CLYBL: variants seen among roughly 807,000 people sequenced by gnomAD.
CLYBL encodes the protein citramalyl-CoA lyase, also known as citramalyl-CoA lyase, mitochondrial.
A neutral mutation model predicts 38.9 loss-of-function variants in CLYBL; 31 were observed. The ratio of observed to expected loss-of-function variants is 0.80; its 90% confidence interval spans 0.60 to 1.08. The LOEUF (loss-of-function observed/expected upper bound fraction) is 1.08, where lower values mean the gene tolerates loss of function less well. Ranked by LOEUF, CLYBL falls within the 50% of genes least tolerant of loss-of-function variation. CLYBL has a pLI of 0.00. For synonymous variants in CLYBL, 171 were observed against 158.6 expected (o/e 1.08, Z -0.59); for missense variants, 434 against 411.6 (o/e 1.05, Z -0.47).
At chr13:99,672,372 G>A (rs774627204) in intron 1 of CLYBL, among the ~76,000 whole-genome samples, 4 of 151,902 alleles carry the variant, frequency 2.6e-5, no homozygotes, top group Non-Finnish European at 4.4e-5. Flanking sequence ...GTGCCTAGCT[G>A]CCTATCAGTT....
chr13:99,834,469 C>T (rs562287923), intron 2 of CLYBL, among the ~76,000 whole-genome samples: 2 of 152,326 alleles, frequency 1.3e-5, no homozygotes, highest in South Asian at 4.1e-4. Context: ...AGGGAACACT[C>T]ATTCCCCCTT....
intron 2 of CLYBL, among the ~76,000 whole-genome samples, chr13:99,776,174 AAC>A (rs1305273324): frequency 4.2e-4 from 39 of 92,142 alleles, no homozygotes; most frequent in South Asian, 8.1e-4. Flanking sequence ...AAAAAAAAAA[AAC>A]CAAAAAACAA....
intron 1 of CLYBL, among the ~76,000 whole-genome samples, chr13:99,673,488 A>C (rs1454091145): frequency 6.6e-6 from 1 of 152,114 alleles, no homozygotes; most frequent in East Asian, 1.9e-4. Context: ...AATAGGGGGT[A>C]AGGATAAGCC....
At chr13:99,652,593 C>T (rs76484826) in intron 1 of CLYBL, among the ~76,000 whole-genome samples, 2,044 of 152,284 alleles carry the variant, frequency 0.013, 47 homozygotes, top group African/African-American at 0.046. Flanking sequence ...ACTATAGCCC[C>T]TGCTAGCCAG....
chr13:99,800,671 C>T (rs1353988070), intron 2 of CLYBL, among the ~76,000 whole-genome samples: 2 of 151,932 alleles, frequency 1.3e-5, no homozygotes, highest in African/African-American at 4.8e-5. Flanking sequence ...GTCAGGAGTT[C>T]GAGGCAAGCC....
At chr13:99,904,909 A>G (rs377329480) in intron 8 of CLYBL, among the ~76,000 whole-genome samples, 22 of 152,316 alleles carry the variant, frequency 1.4e-4, no homozygotes, top group East Asian at 1.4e-3. Flanking sequence ...AAGAAGCTCA[A>G]CTGGGAGCTC....
intron 3 of CLYBL, among the ~76,000 whole-genome samples, chr13:99,861,642 T>TG (rs1181027766): frequency 6.6e-6 from 1 of 152,058 alleles, no homozygotes; most frequent in African/African-American, 2.4e-5. Flanking sequence ...ACTAAGGAGG[T>TG]GATGATGATG....
chr13:99,779,430 G>A (rs751155597), intron 2 of CLYBL, among the ~76,000 whole-genome samples: 3 of 152,128 alleles, frequency 2.0e-5, no homozygotes, highest in East Asian at 1.9e-4. Context: ...GCGAGCCACC[G>A]TGCCTGGCCA....
intron 2 of CLYBL, among the ~76,000 whole-genome samples, chr13:99,796,193 G>C (rs1260503411): frequency 6.6e-6 from 1 of 152,156 alleles, no homozygotes; most frequent in Non-Finnish European, 1.5e-5. Flanking sequence ...AGCCATGATT[G>C]GGCTGCTTCA....
chr13:99,785,207 T>TG (rs2138859778), intron 2 of CLYBL, among the ~76,000 whole-genome samples: 1 of 136,796 alleles, frequency 7.3e-6, no homozygotes, highest in East Asian at 2.2e-4. Flanking sequence ...TTTTTTTTTT[T>TG]TTTTTTTTTT....
At chr13:99,770,239 G>A (rs2049358023) in intron 1 of CLYBL, among the ~76,000 whole-genome samples, 1 of 149,680 alleles carries the variant, frequency 6.7e-6, no homozygotes, top group Non-Finnish European at 1.5e-5. Context: ...AGGCGCCCGC[G>A]ACTGTGCCCG....
intron 1 of CLYBL, among the ~76,000 whole-genome samples, chr13:99,705,312 G>C (rs1158062490): frequency 5.9e-5 from 9 of 152,064 alleles, no homozygotes; most frequent in Admixed American, 5.9e-4. Flanking sequence ...CAGTCACGGT[G>C]GCTCACATCT....
chr13:99,612,729 C>T (rs1402083519), intron 1 of CLYBL, among the ~76,000 whole-genome samples: 2 of 152,208 alleles, frequency 1.3e-5, no homozygotes, highest in African/African-American at 4.8e-5. Context: ...AATTACTTTA[C>T]AGCCATGCTT....
intron 1 of CLYBL, among the ~76,000 whole-genome samples, chr13:99,743,601 CTG>C (rs1211310038): frequency 2.6e-5 from 4 of 152,190 alleles, no homozygotes; most frequent in African/African-American, 7.2e-5. Flanking sequence ...AATGCACACT[CTG>C]TGGCTGTACT....
At chr13:99,765,792 G>A (rs1458937058) in intron 1 of CLYBL, among the ~76,000 whole-genome samples, 2 of 150,610 alleles carry the variant, frequency 1.3e-5, no homozygotes, top group Non-Finnish European at 2.9e-5. Flanking sequence ...CAATCCACCC[G>A]CCTTGGCCTT....
chr13:99,618,250 T>C (rs535051597), intron 1 of CLYBL, among the ~76,000 whole-genome samples: 23 of 152,230 alleles, frequency 1.5e-4, no homozygotes, highest in Admixed American at 3.9e-4. Context: ...TTTTGGTAAA[T>C]TATACATAAC....
intron 1 of CLYBL, among the ~76,000 whole-genome samples, chr13:99,741,609 T>G (rs910611352): frequency 6.6e-6 from 1 of 152,238 alleles, no homozygotes; most frequent in Non-Finnish European, 1.5e-5. Flanking sequence ...AAGAGTGCAG[T>G]GGCATGATCT....
At chr13:99,725,019 TTTC>T (rs2048450053) in intron 1 of CLYBL, among the ~76,000 whole-genome samples, 2 of 152,250 alleles carry the variant, frequency 1.3e-5, no homozygotes, top group Admixed American at 1.3e-4. Flanking sequence ...TTTGTGATAC[TTTC>T]TTCTTAGCCA....
chr13:99,633,206 G>T (rs71450603), intron 1 of CLYBL, among the ~76,000 whole-genome samples: 30,727 of 102,460 alleles, frequency 0.3, 4,410 homozygotes, highest in East Asian at 0.59. Flanking sequence ...GCAAGATCCT[G>T]TCTCAAAAAA....
Sources: allele counts gnomAD v4.1 joint callset (sites outside exome capture counted in the v4.1 genomes callset), GRCh38; gene constraint gnomAD v4.1.1; transcripts MANE v1.5; gene names NCBI Gene and HGNC (gene_info 2026-07-23, HGNC 2026-07-21).